The following CD37 variants were observed in gnomAD, a reference collection of about 807,000 sequenced individuals.
The protein encoded by CD37 is leukocyte antigen CD37.
A neutral mutation model predicts 38.9 loss-of-function variants in CD37; 37 were observed. The ratio of observed to expected loss-of-function variants is 0.95; its 90% CI spans 0.73 to 1.25. The LOEUF (loss-of-function observed/expected upper bound fraction) is 1.25. Among genes scored for constraint, CD37 ranks in the 50% most tolerant of loss-of-function variants. The pLI is 0.00. For missense variants in CD37, 351 were observed against 360.1 expected (o/e 0.97, Z 0.20); for synonymous variants, 146 against 150.1 (o/e 0.97, Z 0.20).
rs1180991434 is a variant in CD37, at chr19:49,338,807, G to A, written c.555G>A (p.Ser185=). The A allele has an allele frequency of 1.2e-6, 2 of 1,613,860 alleles. No homozygotes were observed. Among genetic ancestry groups the A allele is most frequent in the Admixed American group, 1.7e-5 (1 of 60,008 alleles). ...TGCCCTGCTCCTGCTACAACTTGTC[G>A]GCGACCAACGACTCCACAATCCTAG... ...HRVPCSCYNL[S]ATNDSTILDK... The change falls in exon 6 of 8, where the codon TCG becomes TCA. Residue 185 remains serine, a synonymous_variant. Coordinates refer to ENST00000323906, the MANE Select transcript of CD37 (RefSeq NM_001774.3). This position sits in a 1 kb window ranked among gnomAD's most constrained non-coding sequence, Gnocchi z 5.0.
rs1475652555 is a variant in CD37 at position 49,337,685 on chromosome 19, C to A, written c.343-240C>A. ...ATAAACAGCTCCAAAGGGAAACACA[C>A]GGGAAAAAGAGAGAACAAGAGAAAG... On this transcript the variant is annotated intron_variant, in intron 4 of 7. Coordinates refer to ENST00000323906, the MANE Select transcript of CD37 (RefSeq NM_001774.3). The A allele has an allele frequency of 3.9e-6, 6 of 1,527,068 alleles. No homozygotes were observed. The African/African-American group carries it at 6.9e-5, about 17-fold the overall frequency. 94.6% of individuals were successfully genotyped at this position (1,527,068 alleles called of 1,614,324 possible). A position where few individuals can be genotyped will look rare whatever the true frequency, so the allele number is the denominator to read the frequency against.
Position 49,340,280 on chromosome 19 carries a change from G to C in CD37, c.798G>C (p.Leu266=). 2 of 1,613,752 alleles carry C rather than the reference G, an allele frequency of 1.2e-6. No individual in the cohort carries two copies. Among genetic ancestry groups the C allele is most frequent in the East Asian group, 4.5e-5 (2 of 44,864 alleles). Residue 266 remains leucine, a synonymous_variant, in exon 8 of 8, where the codon CTG becomes CTC. Transcript: ENST00000323906. The stretch of plus-strand genomic sequence containing the variant: ...GGTTCATGACGCTCTCGATATTCCT[G>C]TGCAGAAACCTGGACCACGTCTACA... ...ELGFMTLSIF[L]CRNLDHVYNR...
Position 49,339,766 on chromosome 19 carries a change from G to T in CD37, c.768+353G>T. The stretch of plus-strand genomic sequence containing the variant: ...TTCGAGCCCCGGGCCCAGCCTGATC[G>T]CTGACGGCGGCGGCGGGCACAGCGG... On this transcript the variant is annotated intron_variant, in intron 7 of 7. Coordinates refer to ENST00000323906, the MANE Select transcript of CD37 (RefSeq NM_001774.3). This position sits in a 1 kb window ranked among gnomAD's most constrained non-coding sequence, Gnocchi z 4.5. The T allele has an allele frequency of 7.3e-7, 1 of 1,374,206 alleles. No individual in the cohort carries two copies. Among genetic ancestry groups the T allele is most frequent in the South Asian group, 1.7e-5 (1 of 58,500 alleles). The allele number at this position is 1,374,206 out of a possible 1,614,324, so 85.1% of individuals were successfully genotyped here. A position where few individuals can be genotyped will look rare whatever the true frequency, so the allele number is the denominator to read the frequency against.
chr19:49,337,629 G>T, intron 4 of CD37: 1 of 1,485,908 alleles, frequency 6.7e-7, no homozygotes. Context: ...TTAATAGAAA[G>T]ACACACCGAC....
Position 49,335,520 on chromosome 19 carries a change from C to T in CD37, c.-21C>T, listed in dbSNP as rs139751919. ...CACCTCTTCTGTGTGGTGAGTGGAC[C>T]GCTTACCCCACTAGGTGAAGATGTC... On this transcript the variant is annotated 5_prime_UTR_variant, in exon 1 of 8. Transcript: ENST00000323906. This position sits in a 1 kb window ranked among gnomAD's most constrained non-coding sequence, Gnocchi z 4.6. 8.1e-6 allele frequency: 13 copies of T among 1,596,644 alleles called. No individual in the cohort carries two copies. Among genetic ancestry groups the T allele is most frequent in the Admixed American group, 3.3e-5 (2 of 59,992 alleles).
chr19:49,338,838 G>A lies in CD37; in HGVS notation c.586G>A (p.Val196Met). 2 of 1,614,134 alleles carry A rather than the reference G, an allele frequency of 1.2e-6. No homozygotes were observed. The highest frequency in any genetic ancestry group is 1.7e-6 in the Non-Finnish European group (2 of 1,180,038). The change falls in exon 6 of 8, where the codon GTG becomes ATG. Residue 196 changes from valine (V) to methionine (M), a missense_variant. Physicochemically the swap from Val to Met is conservative, Grantham distance 21. Coordinates refer to ENST00000323906, the MANE Select transcript of CD37 (RefSeq NM_001774.3). The surrounding 1 kb of genome is among the most constrained non-coding windows in gnomAD (Gnocchi z 5.0). ...CAACGACTCCACAATCCTAGATAAG[G>A]TGATCTTGCCCCAGCTCAGCAGGCT... is the stretch of plus-strand genomic sequence containing the variant. ...ATNDSTILDK[V>M]ILPQLSRLGH...
At chr19:49,340,145 C>A in intron 7 of CD37, 106 bp from the exon 8 acceptor site, 1 of 1,515,540 alleles carries the variant, frequency 6.6e-7, no homozygotes, top group South Asian at 1.1e-5. Context: ...AGCCCCTTCC[C>A]GCCCAATTCA....
In CD37 at chr19:49,338,045, C is replaced by A; in HGVS notation, c.447+16C>A. On this transcript the variant is annotated intron_variant, in intron 5 of 7. Transcript: ENST00000323906. This position sits in a 1 kb window ranked among gnomAD's most constrained non-coding sequence, Gnocchi z 5.0. ...GCAGTTCCAGGTAAGCCCCCCTCCT[C>A]CAGTTCCCTCCCGGACTGACCCGCC... The A allele has an allele frequency of 1.2e-6, 2 of 1,612,380 alleles. No individual in the cohort carries two copies. The highest frequency in any genetic ancestry group is 1.7e-6 in the Non-Finnish European group (2 of 1,179,274).
rs1468093801 is a variant in CD37, at chr19:49,336,910, C to G, written c.144C>G (p.Gly48=). ...CATCACTCCCCTCACCTCTCCCAGG[C>G]TTGGCCTTCGTGCCTCTGCAGATCT... ...IDKTSFVSFV[G]LAFVPLQIWS... Residue 48 remains glycine (G), a splice_region_variant and synonymous_variant, in exon 3 of 8, where the codon GGC becomes GGG. Coordinates refer to ENST00000323906, the MANE Select transcript of CD37 (RefSeq NM_001774.3). 1 of 1,613,962 alleles carries G rather than the reference C, an allele frequency of 6.2e-7. No individual in the cohort carries two copies. Among genetic ancestry groups the G allele is most frequent in the Non-Finnish European group, 8.5e-7 (1 of 1,179,950 alleles).
Position 49,339,749 on chromosome 19 carries a change from C to T in CD37, c.768+336C>T, listed in dbSNP as rs1279790918. 2 of 1,386,988 alleles carry T rather than the reference C, an allele frequency of 1.4e-6. No individual in the cohort carries two copies. The highest frequency in any genetic ancestry group is 2.9e-5 in the African/African-American group (2 of 68,520). The allele number at this position is 1,386,988 out of a possible 1,614,324, so 85.9% of individuals were successfully genotyped here. A position where few individuals can be genotyped will look rare whatever the true frequency, so the allele number is the denominator to read the frequency against. ...GTGCCGGGCGCTGGGGATTCGAGCC[C>T]CGGGCCCAGCCTGATCGCTGACGGC... On this transcript the variant is annotated intron_variant, in intron 7 of 7. Transcript: ENST00000323906. This position sits in a 1 kb window ranked among gnomAD's most constrained non-coding sequence, Gnocchi z 4.5.
chr19:49,338,106 T>C lies in CD37; in HGVS notation c.447+77T>C. Reference sequence around the variant, plus strand: ...GCTTGGAGGAGACTCCACCCCAACGTGGGCCCGACCCCCAGCTCTACGATC... The same window carrying C: ...GCTTGGAGGAGACTCCACCCCAACGCGGGCCCGACCCCCAGCTCTACGATC... On this transcript the variant is annotated intron_variant, in intron 5 of 7. Coordinates refer to ENST00000323906, the MANE Select transcript of CD37 (RefSeq NM_001774.3). This position sits in a 1 kb window ranked among gnomAD's most constrained non-coding sequence, Gnocchi z 5.0. 1.2e-5 allele frequency: 18 copies of C among 1,555,304 alleles called. No homozygotes were observed. Among genetic ancestry groups the C allele is most frequent in the South Asian group, 2.4e-5 (2 of 84,662 alleles).
At position 49,338,507 on chromosome 19, in the gene CD37, T is replaced by C. The variant is rs919108534; in HGVS notation, c.448-193T>C. Among the ~76,000 whole-genome samples the C allele has an allele frequency of 2.6e-5, 4 of 151,820 alleles. No individual in the cohort carries two copies. Among genetic ancestry groups the C allele is most frequent in the Non-Finnish European group, 4.4e-5 (3 of 67,932 alleles). On this transcript the variant is annotated intron_variant, in intron 5 of 7. Transcript: ENST00000323906. This position sits in a 1 kb window ranked among gnomAD's most constrained non-coding sequence, Gnocchi z 5.0. ...GCCCCAGGTCACCCCGTGACTCGTC[T>C]TTCCCAGCCCCATGTTCCCGTAATG...
In CD37 at chr19:49,337,034, G is replaced by A; in HGVS notation, c.267+1G>A. The stretch of plus-strand genomic sequence containing the variant: ...GGAGCTCCGCTGCCTCCTGGGCCTG[G>A]TGAGTGCACCATCCCTCTCCGTCCC... On this transcript the variant is annotated splice_donor_variant, in intron 3 of 7. Coordinates refer to ENST00000323906, the MANE Select transcript of CD37 (RefSeq NM_001774.3). LOFTEE classifies it high-confidence loss of function. 1 of 1,613,328 alleles carries A rather than the reference G, an allele frequency of 6.2e-7. No homozygotes were observed. The highest frequency in any genetic ancestry group is 1.7e-5 in the Admixed American group (1 of 60,000).
chr19:49,336,983 C>T lies in CD37; in HGVS notation c.217C>T (p.Leu73Phe), dbSNP rs747542770. 1.2e-6 allele frequency: 2 copies of T among 1,614,088 alleles called. No individual in the cohort carries two copies. Among genetic ancestry groups the T allele is most frequent in the South Asian group, 2.2e-5 (2 of 91,066 alleles). Residue 73 changes from leucine (L) to phenylalanine (F), a missense_variant, in exon 3 of 8, where the codon CTC (leucine) becomes TTC (phenylalanine). Coordinates refer to ENST00000323906, the MANE Select transcript of CD37 (RefSeq NM_001774.3). ...AGGAATCTTCACCATGGGCATCGCCCTCCTGGGTTGTGTGGGGGCCCTCAA... is the reference window on the plus strand; with the variant it reads ...AGGAATCTTCACCATGGGCATCGCCTTCCTGGGTTGTGTGGGGGCCCTCAA... ...ISGIFTMGIA[L>F]LGCVGALKEL...
chr19:49,337,582 C>A, intron 4 of CD37: 1 of 1,344,176 alleles, frequency 7.4e-7, no homozygotes, highest in Non-Finnish European at 9.9e-7. Flanking sequence ...TGCACTCAGC[C>A]TGGGTGACAG....
rs930433417 is a variant in CD37 at position 49,338,534 on chromosome 19, C to A, written c.448-166C>A. Among the ~76,000 whole-genome samples, 3 of 152,136 alleles carry A rather than the reference C, an allele frequency of 2.0e-5. No homozygotes were observed. The South Asian group carries it at 6.2e-4, about 32-fold the overall frequency. The stretch of plus-strand genomic sequence containing the variant: ...TCCCAGCCCCATGTTCCCGTAATGT[C>A]CCCTGGCTCCGGCCCCATCGTGACC... On this transcript the variant is annotated intron_variant, in intron 5 of 7. Transcript: ENST00000323906. The surrounding 1 kb of genome is among the most constrained non-coding windows in gnomAD (Gnocchi z 5.0).
Position 49,338,642 on chromosome 19 carries a change from G to T in CD37, c.448-58G>T. ...CCTCATACCCATCACCTTGTCCCCT[G>T]ATCCCCAACATCATATGTCTCCAGT... On this transcript the variant is annotated intron_variant, in intron 5 of 7. Coordinates refer to ENST00000323906, the MANE Select transcript of CD37 (RefSeq NM_001774.3). This position sits in a 1 kb window ranked among gnomAD's most constrained non-coding sequence, Gnocchi z 5.0. 7.7e-7 allele frequency: 1 copy of T among 1,306,656 alleles called. No individual in the cohort carries two copies. The highest frequency in any genetic ancestry group is 1.1e-6 in the Non-Finnish European group (1 of 913,654). The allele number at this position is 1,306,656 out of a possible 1,614,324, so 80.9% of individuals were successfully genotyped here.
rs1970914544 is a variant in CD37 at position 49,335,446 on chromosome 19, C to T, written c.-95C>T. On this transcript the variant is annotated 5_prime_UTR_variant, in exon 1 of 8. Coordinates refer to ENST00000323906, the MANE Select transcript of CD37 (RefSeq NM_001774.3). This position sits in a 1 kb window ranked among gnomAD's most constrained non-coding sequence, Gnocchi z 4.6. ...TCCTTTCTCTCTCAGCTCTCCGTCT[C>T]TCTTTCTCTCTCAGCCTCTTTCTTT... The T allele has an allele frequency of 6.6e-6, 6 of 913,356 alleles. 1 individual carries two copies. In the South Asian group the frequency reaches 8.3e-5, roughly 13 times the overall value. The allele number at this position is 913,356 out of a possible 1,614,324, so 56.6% of individuals were successfully genotyped here. A position where few individuals can be genotyped will look rare whatever the true frequency, so the allele number is the denominator to read the frequency against.
At position 49,335,508 on chromosome 19, in the gene CD37, T is replaced by A; in HGVS notation, c.-33T>A. The A allele has an allele frequency of 6.5e-7, 1 of 1,527,010 alleles. No homozygotes were observed. Among genetic ancestry groups the A allele is most frequent in the Non-Finnish European group, 9.1e-7 (1 of 1,100,680 alleles). The allele number at this position is 1,527,010 out of a possible 1,614,324, so 94.6% of individuals were successfully genotyped here. A position where few individuals can be genotyped will look rare whatever the true frequency, so the allele number is the denominator to read the frequency against. On this transcript the variant is annotated 5_prime_UTR_variant, in exon 1 of 8. Coordinates refer to ENST00000323906, the MANE Select transcript of CD37 (RefSeq NM_001774.3). The surrounding 1 kb of genome is among the most constrained non-coding windows in gnomAD (Gnocchi z 4.6). Reference sequence around the variant, plus strand: ...CCCCACTGTCAGCACCTCTTCTGTGTGGTGAGTGGACCGCTTACCCCACTA... The same window carrying A: ...CCCCACTGTCAGCACCTCTTCTGTGAGGTGAGTGGACCGCTTACCCCACTA...
Sources: gnomAD v4.1 joint callset for allele counts (sites outside exome capture counted in the v4.1 genomes callset) on GRCh38, gnomAD v4.1.1 for gene constraint, Gnocchi (gnomAD v3.1) non-coding constraint, MANE v1.5 for transcripts, NCBI Gene and HGNC (gene_info 2026-07-23, HGNC 2026-07-21) for gene names.